Variants in HTR4 observed in about 807,000 individuals in gnomAD.
HTR4 encodes the protein 5-hydroxytryptamine receptor 4, also known as 5-hydroxytryptamine (serotonin) receptor 4, G protein-coupled.
Under a neutral mutation model 36.8 loss-of-function variants are expected in HTR4, and 16 were observed. The observed-to-expected ratio is 0.43, with a 90% confidence interval of 0.29 to 0.66. HTR4 has a LOEUF of 0.66. Ranked by LOEUF, HTR4 falls within the 30% of genes least tolerant of loss-of-function variation. The pLI is 0.13. For synonymous variants in HTR4, 189 were observed against 185.1 expected (o/e 1.02, Z -0.17); for missense variants, 438 against 490.9 (o/e 0.89, Z 1.02).
Position 148,557,360 on chromosome 5 carries a change from G to A in HTR4, c.27-7098C>T, listed in dbSNP as rs961645342. 5.0e-5 allele frequency among the ~76,000 whole-genome samples: 7 copies of A among 139,684 alleles called. No individual in the cohort carries two copies. In the East Asian group the frequency reaches 6.3e-4, roughly 12 times the overall value. 91.6% of individuals were successfully genotyped at this position (139,684 alleles called of 152,430 possible). A position where few individuals can be genotyped will look rare whatever the true frequency, so the allele number is the denominator to read the frequency against. On this transcript the variant is annotated intron_variant, in intron 2 of 6. Transcript: ENST00000377888. ...TGAGTGGGAAGAAGCACAAATAAAC[G>A]CCATATTTTAGAATTGCATATCTGA...
intron 4 of HTR4, among the ~76,000 whole-genome samples, chr5:148,542,227 C>G (rs1025871719): frequency 6.6e-6 from 1 of 152,114 alleles, no homozygotes; most frequent in Non-Finnish European, 1.5e-5. Flanking sequence ...CTGAACCTGC[C>G]CTAAAAGAGT....
At chr5:148,638,700 A>C (rs1249233969) in intron 1 of HTR4, among the ~76,000 whole-genome samples, 1 of 152,172 alleles carries the variant, frequency 6.6e-6, no homozygotes, top group East Asian at 1.9e-4. Context: ...GGTTCAGACC[A>C]GAAAAACTTC....
downstream of HTR4, among the ~76,000 whole-genome samples, chr5:148,480,650 A>G (rs1043148829): frequency 1.3e-5 from 2 of 152,214 alleles, no homozygotes; most frequent in Admixed American, 1.3e-4. Context: ...CTGGGAATAC[A>G]GGAAGAATTA....
intron 1 of HTR4, among the ~76,000 whole-genome samples, chr5:148,643,252 T>C (rs1221019184): frequency 1.3e-5 from 2 of 152,176 alleles, no homozygotes; most frequent in Non-Finnish European, 1.5e-5. Context: ...AGCATCTTTG[T>C]CAAAAAACTA....
chr5:148,602,110 G>C (rs77605872), intron 2 of HTR4, among the ~76,000 whole-genome samples: 3,293 of 152,206 alleles, frequency 0.022, 66 homozygotes, highest in South Asian at 0.086. Flanking sequence ...AATTTGCTAA[G>C]AGAGTAGCTC....
At chr5:148,544,276 TTTCTCTCTTTCTCTCTCTCTCCAC>T (rs1759263664) in intron 4 of HTR4, among the ~76,000 whole-genome samples, 1 of 151,040 alleles carries the variant, frequency 6.6e-6, no homozygotes, top group Non-Finnish European at 1.5e-5. Context: ...TCTCTCTCTC[TTTCTCTCTTTCTCTCTCTCTCCAC>T]CTCTCTTTCT....
Position 148,482,536 on chromosome 5 carries a change from A to T in HTR4, c.*667T>A, listed in dbSNP as rs1428699210. On this transcript the variant is annotated 3_prime_UTR_variant, in exon 7 of 7. Transcript: ENST00000377888. ...TGTGTCTTCCATGGAAAATAAATGG[A>T]GCATGTCCTGAAGAGGAGGACAGAC... The T allele has an allele frequency of 1.0e-6, 1 of 985,614 alleles. No homozygotes were observed. Among genetic ancestry groups the T allele is most frequent in the Non-Finnish European group, 1.2e-6 (1 of 830,186 alleles). 61.1% of individuals were successfully genotyped at this position (985,614 alleles called of 1,614,324 possible). A position where few individuals can be genotyped will look rare whatever the true frequency, so the allele number is the denominator to read the frequency against.
chr5:148,627,412 T>C (rs1411590534), intron 2 of HTR4, among the ~76,000 whole-genome samples: 1 of 152,224 alleles, frequency 6.6e-6, no homozygotes, highest in East Asian at 1.9e-4. Context: ...CATTCATCTT[T>C]TGAGGATTTG....
chr5:148,609,326 C>A (rs1752311376), intron 2 of HTR4, among the ~76,000 whole-genome samples: 1 of 152,186 alleles, frequency 6.6e-6, no homozygotes, highest in Non-Finnish European at 1.5e-5. Context: ...ATCTTCTCTT[C>A]CTTCAGTCAA....
intron 2 of HTR4, among the ~76,000 whole-genome samples, chr5:148,610,569 G>C (rs1173405217): frequency 2.5e-4 from 38 of 152,062 alleles, no homozygotes; most frequent in South Asian, 1.2e-3. Context: ...AAACCACAAA[G>C]ATGGGGAAAA....
intron 5 of HTR4, among the ~76,000 whole-genome samples, chr5:148,456,406 T>G (rs777752137): frequency 6.6e-6 from 1 of 152,144 alleles, no homozygotes; most frequent in Non-Finnish European, 1.5e-5. Flanking sequence ...GGTGCAAACC[T>G]CCAGCAGTCT....
At chr5:148,465,963 G>C (rs748839435) in intron 5 of HTR4, 2 of 1,590,742 alleles carry the variant, frequency 1.3e-6, no homozygotes, top group Non-Finnish European at 1.7e-6. Context: ...AGATGAGGGA[G>C]AGCCAAGCAG....
At chr5:148,504,817 T>C (rs997953397) in intron 6 of HTR4, among the ~76,000 whole-genome samples, 1 of 152,080 alleles carries the variant, frequency 6.6e-6, no homozygotes, top group African/African-American at 2.4e-5. Flanking sequence ...GGGATATCAC[T>C]ACCGATCCCA....
intron 3 of HTR4, among the ~76,000 whole-genome samples, 200 bp downstream of exon 3, chr5:148,549,937 C>G (rs987443099): frequency 2.0e-5 from 3 of 152,188 alleles, no homozygotes; most frequent in Non-Finnish European, 4.4e-5. Context: ...GATGGAAATA[C>G]ACTGAAATGT....
intron 5 of HTR4, among the ~76,000 whole-genome samples, chr5:148,456,739 T>G (rs1755110820): frequency 6.6e-6 from 1 of 152,244 alleles, no homozygotes; most frequent in Non-Finnish European, 1.5e-5. Flanking sequence ...TACAGGTTCT[T>G]GAGGCAGAAT....
At chr5:148,585,311 T>C (rs1490454540) in intron 2 of HTR4, among the ~76,000 whole-genome samples, 1 of 152,194 alleles carries the variant, frequency 6.6e-6, no homozygotes, top group African/African-American at 2.4e-5. Context: ...GCAAACAACA[T>C]GTATTACACT....
At chr5:148,535,101 C>T (rs74624276) in intron 4 of HTR4, among the ~76,000 whole-genome samples, 23,261 of 152,096 alleles carry the variant, frequency 0.15, 3,179 homozygotes, top group African/African-American at 0.36. Flanking sequence ...GACCACACCT[C>T]GAAGCTTAAG....
intron 5 of HTR4, among the ~76,000 whole-genome samples, chr5:148,451,660 T>C (rs1158492293): frequency 1.3e-5 from 2 of 152,166 alleles, no homozygotes; most frequent in East Asian, 1.9e-4. Flanking sequence ...AGGGATAGTT[T>C]TGGGTTCTGA....
chr5:148,544,728 A>G (rs1759305250), intron 4 of HTR4, among the ~76,000 whole-genome samples: 2 of 152,218 alleles, frequency 1.3e-5, no homozygotes, highest in Non-Finnish European at 1.5e-5. Flanking sequence ...ACAGAATTCA[A>G]TTCTGAAAGC....
Sources: gnomAD v4.1 joint callset for allele counts (sites outside exome capture counted in the v4.1 genomes callset) on GRCh38, gnomAD v4.1.1 for gene constraint, MANE v1.5 for transcripts, NCBI Gene and HGNC (gene_info 2026-07-23, HGNC 2026-07-21) for gene names.